Variants in CSMD1 observed in about 807,000 individuals in gnomAD.
CSMD1 encodes CUB and sushi domain-containing protein 1.
CSMD1 carries 213 observed loss-of-function variants against 417.5 expected under a neutral mutation model. The ratio of observed to expected loss-of-function variants is 0.51; its 90% CI spans 0.46 to 0.57. CSMD1 has a LOEUF of 0.57. CSMD1 is among the 20% of genes least tolerant of loss of function. The probability of loss-of-function intolerance (pLI) is 0.00; values close to 1 mark genes in which losing one functional copy is unlikely to be tolerated. For synonymous variants in CSMD1, 2,862 were observed against 1,736.8 expected, an observed-to-expected ratio of 1.65 and a Z score of -16.11; for missense variants, 6,923 against 4,529.7, an observed-to-expected ratio of 1.53 and a Z score of -15.17.
intron 41 of CSMD1, among the ~76,000 whole-genome samples, chr8:3,121,091 CAA>C (rs77969706): frequency 0.017 from 2,354 of 138,822 alleles, 56 homozygotes; most frequent in African/African-American, 0.066. Flanking sequence ...CAAACAACAA[CAA>C]AAAAAAAATA....
chr8:3,848,372 T>A (rs183389602), intron 5 of CSMD1, among the ~76,000 whole-genome samples: 44 of 133,926 alleles, frequency 3.3e-4, no homozygotes, highest in African/African-American at 1.4e-3. Flanking sequence ...AAAAGACTCA[T>A]TTTTTTTCTC....
rs528982714 is a variant in CSMD1, at chr8:4,960,308, T to C, written c.85+34024A>G. Among the ~76,000 whole-genome samples, 10 of 152,324 alleles carry C rather than the reference T, an allele frequency of 6.6e-5. No homozygotes were observed. In the East Asian group the frequency reaches 9.6e-4, roughly 15 times the overall value. The stretch of plus-strand genomic sequence containing the variant: ...TTAATTTTGCAACGCCCCTGATATA[T>C]AGACAAGTGTGTTTAATGTTCTGAC... On this transcript the variant is annotated intron_variant, in intron 1 of 69. Transcript: ENST00000635120.
intron 49 of CSMD1, among the ~76,000 whole-genome samples, chr8:3,084,722 G>A (rs1814399184): frequency 6.6e-6 from 1 of 151,892 alleles, no homozygotes; most frequent in Admixed American, 6.6e-5. Context: ...GCCAATATAT[G>A]TTGTACAACC....
intron 21 of CSMD1, among the ~76,000 whole-genome samples, 160 bp downstream of exon 21, chr8:3,358,992 G>C (rs1345206847): frequency 6.6e-6 from 1 of 152,060 alleles, no homozygotes; most frequent in Non-Finnish European, 1.5e-5. Context: ...AGAGCAGTTA[G>C]GCAGCTCCCC....
chr8:4,588,061 G>C (rs1367504111), intron 2 of CSMD1, among the ~76,000 whole-genome samples: 2 of 152,134 alleles, frequency 1.3e-5, no homozygotes, highest in Non-Finnish European at 2.9e-5. Context: ...GCAAGGTAAA[G>C]CAAAATCTAA....
At chr8:3,379,343 T>C (rs566965892) in intron 18 of CSMD1, among the ~76,000 whole-genome samples, 41 of 152,286 alleles carry the variant, frequency 2.7e-4, no homozygotes, top group African/African-American at 8.2e-4. Flanking sequence ...TATAGATTTA[T>C]TGCTATCCCC....
At chr8:3,603,332 T>C (rs1010117489) in intron 8 of CSMD1, among the ~76,000 whole-genome samples, 1 of 152,176 alleles carries the variant, frequency 6.6e-6, no homozygotes, top group Admixed American at 6.5e-5. Flanking sequence ...TAAAATTTTT[T>C]TTAAGTTGTG....
chr8:4,315,386 T>C (rs1044230260), intron 3 of CSMD1, among the ~76,000 whole-genome samples: 3 of 152,104 alleles, frequency 2.0e-5, no homozygotes, highest in Non-Finnish European at 4.4e-5. Flanking sequence ...CATTCACTAA[T>C]ATGTCCCCAA....
intron 10 of CSMD1, among the ~76,000 whole-genome samples, chr8:3,520,019 C>CATAT (rs1491479503): frequency 8.8e-6 from 1 of 113,964 alleles, no homozygotes; most frequent in African/African-American, 4.1e-5. Context: ...TGTGTATATA[C>CATAT]CTATATATAT....
chr8:4,851,101 C>T (rs748432990), intron 1 of CSMD1, among the ~76,000 whole-genome samples: 2 of 110,102 alleles, frequency 1.8e-5, no homozygotes, highest in Non-Finnish European at 3.6e-5. Flanking sequence ...CCTCCCCCCT[C>T]CCCACACCCC....
intron 7 of CSMD1, among the ~76,000 whole-genome samples, chr8:3,675,127 T>C (rs1286109039): frequency 6.6e-6 from 1 of 152,166 alleles, no homozygotes; most frequent in Non-Finnish European, 1.5e-5. Context: ...CCCTCACCAC[T>C]TTCCCATCAT....
At chr8:3,921,838 T>G (rs554575489) in intron 5 of CSMD1, among the ~76,000 whole-genome samples, 7 of 152,156 alleles carry the variant, frequency 4.6e-5, no homozygotes, top group Admixed American at 4.6e-4. Context: ...TGTGCAAAGC[T>G]TAGAAAAATG....
chr8:3,498,419 C>A (rs1246400200), intron 10 of CSMD1, among the ~76,000 whole-genome samples: 2 of 151,990 alleles, frequency 1.3e-5, no homozygotes, highest in Non-Finnish European at 2.9e-5. Flanking sequence ...ACAAAATCAC[C>A]AGGAGAGAAG....
intron 3 of CSMD1, among the ~76,000 whole-genome samples, chr8:4,242,294 A>C (rs1802449207): frequency 6.6e-6 from 1 of 152,208 alleles, no homozygotes; most frequent in African/African-American, 2.4e-5. Flanking sequence ...GGCAGACTGG[A>C]AAATTCATAG....
intron 41 of CSMD1, among the ~76,000 whole-genome samples, chr8:3,121,829 A>G (rs750306264): frequency 6.6e-6 from 1 of 152,158 alleles, no homozygotes; most frequent in African/African-American, 2.4e-5. Context: ...CAAACAAAAA[A>G]CAGATACAAA....
At chr8:4,089,398 T>A (rs1247437580) in intron 3 of CSMD1, among the ~76,000 whole-genome samples, 4 of 152,158 alleles carry the variant, frequency 2.6e-5, no homozygotes, top group Non-Finnish European at 5.9e-5. Context: ...AGAAGAAAAT[T>A]AGTAAATGGT....
rs1799044139 is a variant in CSMD1, at chr8:4,191,743, C to G, written c.416-159644G>C. Among the ~76,000 whole-genome samples the G allele has an allele frequency of 9.2e-5, 3 of 32,714 alleles. No homozygotes were observed. The South Asian group carries it at 6.4e-3, about 69-fold the overall frequency. 21.5% of individuals were successfully genotyped at this position (32,714 alleles called of 152,430 possible). A position where few individuals can be genotyped will look rare whatever the true frequency, so the allele number is the denominator to read the frequency against. On this transcript the variant is annotated intron_variant, in intron 3 of 69. Transcript: ENST00000635120. ...TCCACTGAAAAAAGGGAAGGTCATT[C>G]CAAAAAAAAAAAAAAAAAATGGTGG...
chr8:4,278,668 T>C (rs73189914), intron 3 of CSMD1, among the ~76,000 whole-genome samples: 2 of 152,178 alleles, frequency 1.3e-5, no homozygotes, highest in African/African-American at 2.4e-5. Flanking sequence ...TTTATTAACA[T>C]ACCGAACAGT....
rs1285176051 is a variant in CSMD1, at chr8:4,145,563, A to T, written c.416-113464T>A. On this transcript the variant is annotated intron_variant, in intron 3 of 69. Coordinates refer to ENST00000635120, the MANE Select transcript of CSMD1 (RefSeq NM_033225.6). ...ATTTCTTTATTATTACATTGTTATT[A>T]TTTTTTGTGGAGAGACGGTCTCACC... 1.3e-5 allele frequency among the ~76,000 whole-genome samples: 2 copies of T among 150,822 alleles called. 1 individual carries two copies. The highest frequency in any genetic ancestry group is 5.0e-5 in the African/African-American group (2 of 40,244).
Sources: allele counts gnomAD v4.1 joint callset (sites outside exome capture counted in the v4.1 genomes callset), GRCh38; gene constraint gnomAD v4.1.1; transcripts MANE v1.5; gene names NCBI Gene and HGNC (gene_info 2026-07-23, HGNC 2026-07-21).